The following TPST1 variants were observed in gnomAD, a reference collection of about 807,000 sequenced individuals.
The protein encoded by TPST1 is protein-tyrosine sulfotransferase 1.
In TPST1, 20 loss-of-function variants were observed where a neutral mutation model predicts 34.8. The ratio of observed to expected loss-of-function variants is 0.57; its 90% CI spans 0.40 to 0.84. The LOEUF is 0.84. Among genes scored for constraint, TPST1 ranks in the 40% least tolerant of loss-of-function variants. TPST1 has a pLI of 0.00. For missense variants in TPST1, 353 were observed against 455.5 expected, an observed-to-expected ratio of 0.78 and a Z score of 2.05; for synonymous variants, 152 against 159.4, an observed-to-expected ratio of 0.95 and a Z score of 0.35.
intron 3 of TPST1, among the ~76,000 whole-genome samples, chr7:66,348,934 T>A (rs1792410648): frequency 6.6e-6 from 1 of 152,192 alleles, no homozygotes; most frequent in Admixed American, 6.5e-5. Flanking sequence ...TACCTAGGTT[T>A]TTTTTTTCTT....
intron 2 of TPST1, among the ~76,000 whole-genome samples, chr7:66,265,500 T>C (rs1165081040): frequency 6.7e-6 from 1 of 150,024 alleles, no homozygotes; most frequent in Non-Finnish European, 1.5e-5. Context: ...CAGTGAGCTG[T>C]GATTGCACTA....
chr7:66,331,001 G>A (rs556370103), intron 3 of TPST1, among the ~76,000 whole-genome samples: 1 of 152,312 alleles, frequency 6.6e-6, no homozygotes, highest in South Asian at 2.1e-4. Context: ...TCATGAAGTT[G>A]CAGTCAAGCT....
chr7:66,267,431 C>T (rs1411717953), intron 2 of TPST1, among the ~76,000 whole-genome samples: 2 of 151,786 alleles, frequency 1.3e-5, no homozygotes, highest in Middle Eastern at 3.2e-3. Flanking sequence ...TTTTTGCAAC[C>T]ATTTGTAGGC....
intron 3 of TPST1, among the ~76,000 whole-genome samples, chr7:66,296,807 T>G (rs1791211258): frequency 6.6e-6 from 1 of 150,940 alleles, no homozygotes; most frequent in Non-Finnish European, 1.5e-5. Context: ...ACTCACATAG[T>G]AAATTGGTAA....
Position 66,231,306 on chromosome 7 carries a change from T to C in TPST1, c.-101-9019T>C, listed in dbSNP as rs562806679. Among the ~76,000 whole-genome samples, 11 of 152,352 alleles carry C rather than the reference T, an allele frequency of 7.2e-5. No homozygotes were observed. In the South Asian group the frequency reaches 2.3e-3, roughly 32 times the overall value. ...AGCCCAGCTGGCTTCGCCCAGTGGA[T>C]CCCGCACCGGGGCTGCATGTGGAGC... On this transcript the variant is annotated intron_variant, in intron 1 of 5. Coordinates refer to ENST00000304842, the MANE Select transcript of TPST1 (RefSeq NM_003596.4).
intron 1 of TPST1, among the ~76,000 whole-genome samples, chr7:66,236,387 T>A (rs918888759): frequency 6.6e-6 from 1 of 152,196 alleles, no homozygotes; most frequent in African/African-American, 2.4e-5. Flanking sequence ...AAATGTGTGC[T>A]TATGTTGCTC....
intron 1 of TPST1, among the ~76,000 whole-genome samples, chr7:66,229,529 T>C (rs764481304): frequency 1.3e-5 from 2 of 152,248 alleles, no homozygotes; most frequent in Non-Finnish European, 2.9e-5. Flanking sequence ...TGTCACACTT[T>C]ATTCAGATTA....
In TPST1 at chr7:66,356,890, T is replaced by C. The variant is rs1233471251; in HGVS notation, c.*29+19T>C. The stretch of plus-strand genomic sequence containing the variant: ...ACATGAGGTGAGGGTTGGGGGACAT[T>C]GCCAGGTCTTTCTGTTTCCCACTCG... On this transcript the variant is annotated intron_variant, in intron 5 of 5. Transcript: ENST00000304842. 6.2e-7 allele frequency: 1 copy of C among 1,613,752 alleles called. No homozygotes were observed. The highest frequency in any genetic ancestry group is 1.7e-5 in the Admixed American group (1 of 59,966).
chr7:66,230,136 T>C (rs1258352575), intron 1 of TPST1, among the ~76,000 whole-genome samples: 3 of 152,136 alleles, frequency 2.0e-5, no homozygotes, highest in Non-Finnish European at 4.4e-5. Flanking sequence ...TGCAGTGAGC[T>C]GAGATTACGC....
intron 3 of TPST1, among the ~76,000 whole-genome samples, chr7:66,352,175 A>G (rs111281046): frequency 1.3e-5 from 2 of 152,190 alleles, no homozygotes; most frequent in Non-Finnish European, 2.9e-5. Context: ...GTTGCTTGAG[A>G]GAGATTGCCT....
rs765698690 is a variant in TPST1 at position 66,360,153 on chromosome 7, CTT to C, written c.*289_*290del. 4.0e-5 allele frequency: 13 copies of C among 322,434 alleles called. No homozygotes were observed. Among genetic ancestry groups the C allele is most frequent in the East Asian group, 2.4e-4 (3 of 12,472 alleles). 20.0% of individuals were successfully genotyped at this position (322,434 alleles called of 1,614,324 possible). A position where few individuals can be genotyped will look rare whatever the true frequency, so the allele number is the denominator to read the frequency against. Reference sequence around the variant, plus strand: ...ACATGTGTTTCCTGTTAAAACTCCTCTTGTTCTCTTTTCTTACATTATGACGT... The same window carrying C: ...ACATGTGTTTCCTGTTAAAACTCCTCGTTCTCTTTTCTTACATTATGACGT... On this transcript the variant is annotated 3_prime_UTR_variant, in exon 6 of 6. Coordinates refer to ENST00000304842, the MANE Select transcript of TPST1 (RefSeq NM_003596.4).
rs1430917438 is a variant in TPST1 at position 66,332,907 on chromosome 7, A to G, written c.1045-19598A>G. Among the ~76,000 whole-genome samples the G allele has an allele frequency of 2.6e-5, 4 of 152,114 alleles. No individual in the cohort carries two copies. Among genetic ancestry groups the G allele is most frequent in the East Asian group, 3.9e-4 (2 of 5,190 alleles). On this transcript the variant is annotated intron_variant, in intron 3 of 5. Coordinates refer to ENST00000304842, the MANE Select transcript of TPST1 (RefSeq NM_003596.4). The surrounding 1 kb of genome is among the most constrained non-coding windows in gnomAD (Gnocchi z 4.5). ...TTATTCACAGGGGATCCTGGAAACAATCCCCTGTGGATACCAAGAGATGAC... is the reference window on the plus strand; with the variant it reads ...TTATTCACAGGGGATCCTGGAAACAGTCCCCTGTGGATACCAAGAGATGAC...
intron 3 of TPST1, among the ~76,000 whole-genome samples, chr7:66,320,441 G>A (rs1791731181): frequency 6.6e-6 from 1 of 151,196 alleles, no homozygotes; most frequent in Non-Finnish European, 1.5e-5. Context: ...TAGAGGCGGG[G>A]TTTCACCATG....
chr7:66,334,373 C>G (rs1792051814), intron 3 of TPST1, among the ~76,000 whole-genome samples: 1 of 152,092 alleles, frequency 6.6e-6, no homozygotes, highest in African/African-American at 2.4e-5. Flanking sequence ...CGGTGGCTCA[C>G]TCCTGTAATC....
At chr7:66,305,137 A>G (rs1791396521) in intron 3 of TPST1, among the ~76,000 whole-genome samples, 1 of 152,170 alleles carries the variant, frequency 6.6e-6, no homozygotes, top group Non-Finnish European at 1.5e-5. Flanking sequence ...TACACCTTAT[A>G]TTAGAGAGTA....
At chr7:66,215,374 GTA>G (rs1007135805) in intron 1 of TPST1, among the ~76,000 whole-genome samples, 1 of 146,948 alleles carries the variant, frequency 6.8e-6, no homozygotes, top group Admixed American at 6.9e-5. Flanking sequence ...TTATATATAT[GTA>G]TATATATATA....
chr7:66,203,831 A>T (rs892457136), upstream of TPST1, among the ~76,000 whole-genome samples: 11 of 152,138 alleles, frequency 7.2e-5, no homozygotes, highest in African/African-American at 1.7e-4. Context: ...ATCATGTATA[A>T]TAGCCAAAAA....
chr7:66,204,004 C>T (rs973711275), upstream of TPST1, among the ~76,000 whole-genome samples: 3 of 151,836 alleles, frequency 2.0e-5, no homozygotes, highest in Non-Finnish European at 4.4e-5. Context: ...TGATGAAACC[C>T]CGTCTCTACT....
rs145948174 is a variant in TPST1 at position 66,277,098 on chromosome 7, T to C, written c.846-9413T>C. ...GTATCGGGGCCTTCTCTTTCCTTTGTCTCTGTCACCATTGTAATTAGCCCA... is the reference window on the plus strand; with the variant it reads ...GTATCGGGGCCTTCTCTTTCCTTTGCCTCTGTCACCATTGTAATTAGCCCA... On this transcript the variant is annotated intron_variant, in intron 2 of 5. Transcript: ENST00000304842. Among the ~76,000 whole-genome samples, 310 of 152,264 alleles carry C rather than the reference T, an allele frequency of 2.0e-3. 2 individuals carry two copies. The highest frequency in any genetic ancestry group is 7.3e-3 in the African/African-American group (303 of 41,554).
Sources: gnomAD v4.1 joint callset for allele counts (sites outside exome capture counted in the v4.1 genomes callset) on GRCh38, gnomAD v4.1.1 for gene constraint, Gnocchi (gnomAD v3.1) non-coding constraint, MANE v1.5 for transcripts, NCBI Gene and HGNC (gene_info 2026-07-23, HGNC 2026-07-21) for gene names.